PIEZO1: variants seen among roughly 807,000 people sequenced by gnomAD.
PIEZO1 encodes piezo-type mechanosensitive ion channel component 1.
Under a neutral mutation model 297.2 loss-of-function variants are expected in PIEZO1, and 296 were observed. That is an observed-to-expected ratio of 1.00 (90% confidence interval 0.91 to 1.10). The LOEUF is 1.10. Ranked by LOEUF, PIEZO1 falls within the 50% of genes least tolerant of loss-of-function variation. The pLI is 0.00. For synonymous variants in PIEZO1, 2,427 were observed against 1,507.5 expected (o/e 1.61, Z -14.13); for missense variants, 5,018 against 3,455.5 (o/e 1.45, Z -11.34).
intron 13 of PIEZO1, 24 bp downstream of exon 13, chr16:88,735,111 C>T: frequency 6.5e-7 from 1 of 1,548,950 alleles, no homozygotes; most frequent in Non-Finnish European, 8.7e-7. Context: ...GGAGGGCAAC[C>T]CCCGCCTCTG....
chr16:88,736,217 C>A lies in PIEZO1; in HGVS notation c.1488G>T (p.Leu496=). 1.3e-6 allele frequency: 2 copies of A among 1,549,928 alleles called. No homozygotes were observed. The highest frequency in any genetic ancestry group is 1.7e-6 in the Non-Finnish European group (2 of 1,146,770). The change falls in exon 12 of 51, where the codon CTG becomes CTT. Residue 496 remains leucine (L), a synonymous_variant. Coordinates refer to ENST00000301015, the MANE Select transcript of PIEZO1 (RefSeq NM_001142864.4). ...CCAGCTGGCGCAGGCTGACGGGGCC[C>A]AGGGTGGTGGGCAGCTCAGGGCGCA... ...MDLRPELPTT[L]GPVSLRQLGL...
intron 10 of PIEZO1, chr16:88,737,258 C>T (rs1905281729): frequency 2.7e-6 from 1 of 366,260 alleles, no homozygotes; most frequent in Non-Finnish European, 5.1e-6. Flanking sequence ...GACAGCATAG[C>T]CACATTCTCT....
intron 1 of PIEZO1, among the ~76,000 whole-genome samples, chr16:88,777,566 C>G (rs553869888): frequency 6.6e-6 from 1 of 152,258 alleles, no homozygotes. Context: ...AGTAAATCCC[C>G]GCTGAGGCAG....
rs779772252 is a variant in PIEZO1, at chr16:88,716,099, C to T, written c.7150G>A (p.Gly2384Ser). The T allele has an allele frequency of 2.5e-5, 38 of 1,547,416 alleles. 1 individual carries two copies. In the East Asian group the frequency reaches 3.7e-4, roughly 15 times the overall value. ...LQPNEEADYL[G>S]VRIQLRREQG... ...TCCCTCCGCAGCTGGATACGCACGCCGAGGTAGTCGGCCTCCTCATCTGGG... is the reference window on the plus strand; with the variant it reads ...TCCCTCCGCAGCTGGATACGCACGCTGAGGTAGTCGGCCTCCTCATCTGGG... The change falls in exon 50 of 51, where the codon GGC becomes AGC. Residue 2384 changes from glycine (G) to serine (S), a missense_variant. Coordinates refer to ENST00000301015, the MANE Select transcript of PIEZO1 (RefSeq NM_001142864.4).
chr16:88,765,114 C>A (rs1484540973), intron 1 of PIEZO1, among the ~76,000 whole-genome samples: 1 of 152,262 alleles, frequency 6.6e-6, no homozygotes, highest in Non-Finnish European at 1.5e-5. Flanking sequence ...CGGCACCCAG[C>A]CCCCTGGCCT....
At chr16:88,743,540 C>A (rs1453050649) in intron 2 of PIEZO1, 1 of 456,504 alleles carries the variant, frequency 2.2e-6, no homozygotes, top group Non-Finnish European at 4.4e-6. Context: ...ACCACATCTG[C>A]CCTCTCTCGG....
At chr16:88,737,071 A>G (rs974676901) in intron 10 of PIEZO1, 9 of 255,600 alleles carry the variant, frequency 3.5e-5, no homozygotes, top group African/African-American at 6.8e-5. Flanking sequence ...TCAGAAACAC[A>G]TTGCAAAATG....
intron 1 of PIEZO1, among the ~76,000 whole-genome samples, chr16:88,773,523 C>T (rs1415864767): frequency 6.6e-6 from 1 of 152,194 alleles, no homozygotes; most frequent in Non-Finnish European, 1.5e-5. Context: ...TGGCGCTTCC[C>T]CTCAAAAAAA....
At chr16:88,721,048 T>A (rs1912400056) in intron 39 of PIEZO1, 118 bp downstream of exon 39, 3 of 1,094,390 alleles carry the variant, frequency 2.7e-6, no homozygotes, top group Non-Finnish European at 3.8e-6. Context: ...GGCACCTTCC[T>A]GGGATCCAGG....
Position 88,757,305 on chromosome 16 carries a change from G to C in PIEZO1, c.65-7826C>G, listed in dbSNP as rs1906711887. On this transcript the variant is annotated intron_variant, in intron 1 of 50. Transcript: ENST00000301015. ...ACCTGGTGCAGGCCCTGGGTATGCA[G>C]GGGGCGTTGCTGGCGGGGGGGTGGG... 3.0e-5 allele frequency among the ~76,000 whole-genome samples: 4 copies of C among 134,608 alleles called. No homozygotes were observed. In the Admixed American group the frequency reaches 3.0e-4, roughly 10 times the overall value. The allele number at this position is 134,608 out of a possible 152,430, so 88.3% of individuals were successfully genotyped here.
chr16:88,725,070 A>C lies in PIEZO1; in HGVS notation c.4173T>G (p.Ser1391Arg), dbSNP rs1904329305. 1 of 1,511,186 alleles carries C rather than the reference A, an allele frequency of 6.6e-7. No individual in the cohort carries two copies. The highest frequency in any genetic ancestry group is 8.8e-7 in the Non-Finnish European group (1 of 1,131,838). 93.6% of individuals were successfully genotyped at this position (1,511,186 alleles called of 1,614,324 possible). A position where few individuals can be genotyped will look rare whatever the true frequency, so the allele number is the denominator to read the frequency against. The change falls in exon 30 of 51, where the codon AGT becomes AGG. Residue 1391 changes from serine to arginine, a missense_variant. Transcript: ENST00000301015. Reference protein sequence around the residue: ...KDPGLEPGPDSPGGSSPPRRQ... With the variant: ...KDPGLEPGPDRPGGSSPPRRQ... Reference sequence around the variant, plus strand: ...TCCGTGGCGGGGAGGAGCCCCCTGGACTGTCGGGCCCTGTGGAGGGGCAGG... The same window carrying C: ...TCCGTGGCGGGGAGGAGCCCCCTGGCCTGTCGGGCCCTGTGGAGGGGCAGG...
rs1308062300 is a variant in PIEZO1, at chr16:88,732,343, C to T, written c.2983G>A (p.Gly995Arg). 8.4e-6 allele frequency: 13 copies of T among 1,549,190 alleles called. No individual in the cohort carries two copies. The highest frequency in any genetic ancestry group is 1.1e-5 in the Non-Finnish European group (13 of 1,146,218). Residue 995 changes from glycine (G) to arginine (R), a missense_variant, in exon 21 of 51, where the codon GGG (glycine) becomes AGG (arginine). Gly to Arg is a moderately radical substitution (Grantham distance 125). Transcript: ENST00000301015. Reference protein sequence around the residue: ...YFINFFFYKFGLEICFLMAVN... With the variant: ...YFINFFFYKFRLEICFLMAVN... Reference sequence around the variant, plus strand: ...CAATGTCCTTGCCTCACCTCCAGCCCGAATTTGTAGAAGAAGAAGTTGATG... The same window carrying T: ...CAATGTCCTTGCCTCACCTCCAGCCTGAATTTGTAGAAGAAGAAGTTGATG...
chr16:88,767,153 T>G (rs1346376344), intron 1 of PIEZO1, among the ~76,000 whole-genome samples: 1 of 152,194 alleles, frequency 6.6e-6, no homozygotes, highest in East Asian at 1.9e-4. Context: ...CGCTCTTCAC[T>G]CATCTCCCCA....
chr16:88,730,329 C>G (rs764273385), intron 22 of PIEZO1, among the ~76,000 whole-genome samples: 1 of 149,630 alleles, frequency 6.7e-6, no homozygotes, highest in Non-Finnish European at 1.5e-5. Context: ...TGGCAGCTCA[C>G]GCCTGTAATC....
At chr16:88,776,388 T>A (rs1316698866) in intron 1 of PIEZO1, among the ~76,000 whole-genome samples, 1 of 151,376 alleles carries the variant, frequency 6.6e-6, no homozygotes, top group Admixed American at 6.6e-5. Flanking sequence ...GAGCCCAGAC[T>A]GGGCCACTGC....
rs991895210 is a variant in PIEZO1 at position 88,726,846 on chromosome 16, G to A, written c.3568C>T (p.Leu1190=). Residue 1190 remains leucine, a synonymous_variant, in exon 25 of 51, where the codon CTG becomes TTG. Transcript: ENST00000301015. ...AGCAGCAGGTAGAAGCAGGCCAGCA[G>A]GTAGCCCAGCCCGAAGATGCTGATG... ...TRISIFGLGY[L]LACFYLLLFG... 41 of 1,550,398 alleles carry A rather than the reference G, an allele frequency of 2.6e-5. No individual in the cohort carries two copies. The highest frequency in any genetic ancestry group is 1.7e-4 in the Middle Eastern group (1 of 5,992).
Position 88,738,322 on chromosome 16 carries a change from C to G in PIEZO1, c.753G>C (p.Ala251=), listed in dbSNP as rs150688010. 2 of 1,535,844 alleles carry G rather than the reference C, an allele frequency of 1.3e-6. No individual in the cohort carries two copies. Among genetic ancestry groups the G allele is most frequent in the African/African-American group, 2.7e-5 (2 of 73,172 alleles). ...STRGFSRLCV[A]VGCFGAGHLI... ...GATGGCCGGCGCCGAAGCACCCCAC[C>G]GCGACGCAGAGTCTGCTGAAGCCCC... The change falls in exon 7 of 51, where the codon GCG becomes GCC. Residue 251 remains alanine, a synonymous_variant. Coordinates refer to ENST00000301015, the MANE Select transcript of PIEZO1 (RefSeq NM_001142864.4).
intron 30 of PIEZO1, among the ~76,000 whole-genome samples, chr16:88,724,295 C>CT (rs1904309771): frequency 6.6e-6 from 1 of 152,230 alleles, no homozygotes; most frequent in Non-Finnish European, 1.5e-5. Flanking sequence ...CTGTGGGAGG[C>CT]TGAGGCGGGC....
At chr16:88,749,685 G>A (rs530204157) in intron 1 of PIEZO1, among the ~76,000 whole-genome samples, 12 of 152,350 alleles carry the variant, frequency 7.9e-5, no homozygotes, top group Middle Eastern at 3.4e-3. Context: ...TCCCAGCGGG[G>A]CGCTGGGGTT....
Sources: gnomAD v4.1 joint callset for allele counts (sites outside exome capture counted in the v4.1 genomes callset) on GRCh38, gnomAD v4.1.1 for gene constraint, MANE v1.5 for transcripts, NCBI Gene and HGNC (gene_info 2026-07-23, HGNC 2026-07-21) for gene names.